The following KIF23 variants were observed in gnomAD, a reference collection of about 807,000 sequenced individuals.
KIF23 encodes the protein kinesin family member 23, also known as kinesin-like protein KIF23.
A neutral mutation model predicts 137.5 loss-of-function variants in KIF23; 30 were observed. That is an observed-to-expected ratio of 0.22 (90% CI 0.16 to 0.30). The LOEUF is 0.30. Among genes scored for constraint, KIF23 ranks in the 10% least tolerant of loss-of-function variants. The probability of loss-of-function intolerance (pLI) is 1.00; values close to 1 mark genes in which losing one functional copy is unlikely to be tolerated. For missense variants in KIF23, 920 were observed against 1,194.3 expected (o/e 0.77, Z 3.38); for synonymous variants, 367 against 391.1 (o/e 0.94, Z 0.73).
At chr15:69,422,480 ATTCTT>A in intron 6 of KIF23, 45 bp downstream of exon 6, 10 of 1,112,314 alleles carry the variant, frequency 9.0e-6, no homozygotes, top group Non-Finnish European at 1.4e-5. Context: ...GGGGCACAGG[ATTCTT>A]TCCTGTGGTT....
At chr15:69,417,277 T>C (rs951631009) in intron 2 of KIF23, 106 bp from the exon 3 acceptor site, 13 of 1,092,650 alleles carry the variant, frequency 1.2e-5, no homozygotes, top group Non-Finnish European at 1.5e-5. Context: ...AGCTCTTAAA[T>C]TGAGAGACTG....
At chr15:69,443,331 T>G (rs1277036911) in intron 19 of KIF23, among the ~76,000 whole-genome samples, 5 of 109,628 alleles carry the variant, frequency 4.6e-5, no homozygotes, top group African/African-American at 1.7e-4. Flanking sequence ...TTTGGGTTTT[T>G]TTTTTTTTTT....
chr15:69,425,422 C>T (rs1595989275), intron 8 of KIF23, 99 bp downstream of exon 8: 2 of 1,062,916 alleles, frequency 1.9e-6, no homozygotes, highest in Non-Finnish European at 2.8e-6. Flanking sequence ...TTTCCATTGT[C>T]ACTGGGCTGG....
chr15:69,435,455 A>C, intron 11 of KIF23, 28 bp from the exon 12 acceptor site: 5 of 1,566,344 alleles, frequency 3.2e-6, no homozygotes, highest in Non-Finnish European at 3.5e-6. Context: ...TTGTTCTGAA[A>C]TGGCGTCTAT....
At chr15:69,426,211 C>A in intron 9 of KIF23, 29 bp downstream of exon 9, 1 of 1,588,676 alleles carries the variant, frequency 6.3e-7, no homozygotes, top group Non-Finnish European at 8.6e-7. Flanking sequence ...TAGAAAAATA[C>A]AGAATGATGA....
Position 69,425,343 on chromosome 15 carries a change from C to T in KIF23, c.776+20C>T, listed in dbSNP as rs1352837563. 2.0e-6 allele frequency: 3 copies of T among 1,533,314 alleles called. No individual in the cohort carries two copies. The highest frequency in any genetic ancestry group is 2.7e-5 in the African/African-American group (2 of 72,942). The allele number at this position is 1,533,314 out of a possible 1,614,324, so 95.0% of individuals were successfully genotyped here. On this transcript the variant is annotated intron_variant, in intron 8 of 23. Coordinates refer to ENST00000679126, the MANE Select transcript of KIF23 (RefSeq NM_001367805.3). ...TTTTGTGTATGTGATGGTGTTGGCT[C>T]TTTTCTTAAGGAGAAGGGTGCAGTT... is the stretch of plus-strand genomic sequence containing the variant.
intron 3 of KIF23, 33 bp from the exon 4 acceptor site, chr15:69,421,614 T>G: frequency 1.5e-6 from 2 of 1,316,334 alleles, no homozygotes; most frequent in Non-Finnish European, 1.1e-6. Flanking sequence ...AATAGTGGAA[T>G]TCTATTTAGT....
intron 10 of KIF23, chr15:69,427,347 CTTT>C (rs748486386): frequency 8.8e-6 from 4 of 454,436 alleles, no homozygotes; most frequent in Non-Finnish European, 1.8e-5. Context: ...GACATTAAAA[CTTT>C]TTTTTCCCCA....
At chr15:69,418,275 C>A (rs1483915063) in intron 3 of KIF23, among the ~76,000 whole-genome samples, 1 of 152,188 alleles carries the variant, frequency 6.6e-6, no homozygotes, top group African/African-American at 2.4e-5. Context: ...GTCAGCAGCA[C>A]TCTCCTGTCT....
Position 69,436,204 on chromosome 15 carries a change from T to C in KIF23, c.1381T>C (p.Cys461Arg). 2 of 1,614,056 alleles carry C rather than the reference T, an allele frequency of 1.2e-6. No individual in the cohort carries two copies. The highest frequency in any genetic ancestry group is 1.7e-6 in the Non-Finnish European group (2 of 1,179,974). Residue 461 changes from cysteine (C) to arginine (R), a missense_variant, in exon 14 of 24, where the codon TGT (cysteine) becomes CGT (arginine). By Grantham distance (180) the Cys-to-Arg change is radical. Coordinates refer to ENST00000679126, the MANE Select transcript of KIF23 (RefSeq NM_001367805.3). ...EVARPVDKAICGLTPGRRYRN... is the reference protein window; with the variant it reads ...EVARPVDKAIRGLTPGRRYRN... ...AGCAAGACCTGTAGACAAGGCAATA[T>C]GTGGTTTAACGCCTGGGAGGAGATA...
In KIF23 at chr15:69,447,905, C is replaced by T. The variant is rs2057774623; in HGVS notation, c.*98C>T. On this transcript the variant is annotated 3_prime_UTR_variant, in exon 24 of 24. Transcript: ENST00000679126. ...TCTTCCAGGTCATCTTGTAGAACTC[C>T]AGCTTTGTTGAAAATCACGGACCTC... 2 of 1,305,068 alleles carry T rather than the reference C, an allele frequency of 1.5e-6. No homozygotes were observed. Among genetic ancestry groups the T allele is most frequent in the Non-Finnish European group, 2.2e-6 (2 of 910,726 alleles). The allele number at this position is 1,305,068 out of a possible 1,614,324, so 80.8% of individuals were successfully genotyped here.
chr15:69,440,655 A>G, intron 18 of KIF23, 113 bp from the exon 19 acceptor site: 5 of 1,134,062 alleles, frequency 4.4e-6, no homozygotes, highest in Non-Finnish European at 6.0e-6. Flanking sequence ...AAAAAATAGA[A>G]CAAATAATTA....
intron 1 of KIF23, 59 bp downstream of exon 1, chr15:69,414,535 T>A (rs1595968686): frequency 6.7e-7 from 1 of 1,498,592 alleles, no homozygotes; most frequent in East Asian, 2.6e-5. Flanking sequence ...GCCTCGGGGC[T>A]GGGGGCAGGC....
At chr15:69,436,411 T>G in intron 14 of KIF23, 150 bp downstream of exon 14, 1 of 1,230,170 alleles carries the variant, frequency 8.1e-7, no homozygotes, top group Non-Finnish European at 1.1e-6. Flanking sequence ...ATGAGCTTAT[T>G]TTGCATACTA....
chr15:69,425,859 T>C (rs2057175366), intron 8 of KIF23: 1 of 174,994 alleles, frequency 5.7e-6, no homozygotes, highest in African/African-American at 2.4e-5. Context: ...GTTATCTTGT[T>C]ACTTAACTAA....
At chr15:69,417,324 A>C in intron 2 of KIF23, 59 bp from the exon 3 acceptor site, 1 of 1,453,728 alleles carries the variant, frequency 6.9e-7, no homozygotes, top group Non-Finnish European at 9.2e-7. Flanking sequence ...GAGAAGCTTA[A>C]GTGAAAAATC....
At chr15:69,421,869 T>C in intron 4 of KIF23, 117 bp downstream of exon 4, 2 of 1,305,174 alleles carry the variant, frequency 1.5e-6, no homozygotes, top group Admixed American at 4.2e-5. Context: ...TTTAATTTGT[T>C]AGGGTGGTGC....
chr15:69,429,100 G>A lies in KIF23; in HGVS notation c.1012-11G>A. ...ACCCATTTTAAGTTATTGGCTTTGT[G>A]ATCTTTTTAGGAAAAAGAACAAATC... On this transcript the variant is annotated splice_polypyrimidine_tract_variant and intron_variant, in intron 10 of 23. Coordinates refer to ENST00000679126, the MANE Select transcript of KIF23 (RefSeq NM_001367805.3). 1 of 1,582,248 alleles carries A rather than the reference G, an allele frequency of 6.3e-7. No homozygotes were observed. The highest frequency in any genetic ancestry group is 8.6e-7 in the Non-Finnish European group (1 of 1,156,696).
rs1189280067 is a variant in KIF23 at position 69,440,907 on chromosome 15, A to G, written c.2249A>G (p.Tyr750Cys). 6.2e-7 allele frequency: 1 copy of G among 1,614,148 alleles called. No homozygotes were observed. Among genetic ancestry groups the G allele is most frequent in the Non-Finnish European group, 8.5e-7 (1 of 1,180,028 alleles). Residue 750 changes from tyrosine (Y) to cysteine (C), a missense_variant, in exon 19 of 24, where the codon TAC becomes TGC. By Grantham distance (194) the Tyr-to-Cys change is radical. Around this residue, in one of 4 missense-constraint regions of KIF23, gnomAD observed 714 missense variants for 866.2 expected, o/e 0.82. Coordinates refer to ENST00000679126, the MANE Select transcript of KIF23 (RefSeq NM_001367805.3). ...ISEWEQKIPT[Y>C]NTPLKVTSIA... The stretch of plus-strand genomic sequence containing the variant: ...GAATGGGAGCAGAAAATTCCTACGT[A>G]CAACACACCTCTCAAAGTCACATCT...
Sources: allele counts gnomAD v4.1 joint callset (sites outside exome capture counted in the v4.1 genomes callset), GRCh38; gene constraint gnomAD v4.1.1; regional missense constraint gnomAD v4.1.1; transcripts MANE v1.5; gene names NCBI Gene and HGNC (gene_info 2026-07-23, HGNC 2026-07-21).